ZFP64: variants seen among roughly 807,000 people sequenced by gnomAD.
The protein encoded by ZFP64 is zinc finger protein 64.
Under a neutral mutation model 51.6 loss-of-function variants are expected in ZFP64, and 14 were observed. That is an observed-to-expected ratio of 0.27 (90% CI 0.18 to 0.42). ZFP64 has a LOEUF of 0.42. Ranked by LOEUF, ZFP64 falls within the 10% of genes least tolerant of loss-of-function variation. The pLI is 1.00. For missense variants in ZFP64, 754 were observed against 906.8 expected (o/e 0.83, Z 2.16); for synonymous variants, 375 against 361.4 (o/e 1.04, Z -0.43).
intron 8 of ZFP64, chr20:52,088,326 A>G (rs1487911907): frequency 1.3e-6 from 2 of 1,581,798 alleles, no homozygotes; most frequent in East Asian, 4.5e-5. Flanking sequence ...TTGTGTTGTT[A>G]AGTAAATGAA....
intron 5 of ZFP64, among the ~76,000 whole-genome samples, chr20:52,113,601 T>TTTC (rs1258384217): frequency 1.3e-5 from 2 of 149,526 alleles, no homozygotes; most frequent in African/African-American, 4.9e-5. Context: ...GCTTTTTTTT[T>TTTC]TTTTTTCTTT....
intron 5 of ZFP64, among the ~76,000 whole-genome samples, chr20:52,157,712 G>A (rs1052921735): frequency 6.6e-6 from 1 of 152,146 alleles, no homozygotes; most frequent in Admixed American, 6.5e-5. Flanking sequence ...GGATACATGT[G>A]CAGAACGTGC....
chr20:52,153,606 G>GATAAA lies in ZFP64; in HGVS notation c.764-179_764-178insTTTAT, dbSNP rs1469836052. Among the ~76,000 whole-genome samples the GATAAA allele has an allele frequency of 6.6e-6, 1 of 152,064 alleles. No individual in the cohort carries two copies. The highest frequency in any genetic ancestry group is 2.4e-5 in the African/African-American group (1 of 41,384). ...GGGCAGGGCGTCTTTATCTTTCCCC[G>GATAAA]GAACCCAAACCACCACCACCGGTAT... On this transcript the variant is annotated intron_variant, in intron 5 of 5. Coordinates refer to ENST00000216923, the MANE Select transcript of ZFP64 (RefSeq NM_018197.3). This position sits in a 1 kb window ranked among gnomAD's most constrained non-coding sequence, Gnocchi z 5.1.
At chr20:52,183,762 T>G (rs2123119561) in intron 2 of ZFP64, among the ~76,000 whole-genome samples, 1 of 152,346 alleles carries the variant, frequency 6.6e-6, no homozygotes, top group African/African-American at 2.4e-5. Context: ...AACATTATTT[T>G]GGATGCATTA....
downstream of ZFP64, among the ~76,000 whole-genome samples, chr20:52,146,472 C>T (rs1039414731): frequency 2.7e-5 from 4 of 150,146 alleles, no homozygotes; most frequent in Admixed American, 6.7e-5. Context: ...AGTAAACTAT[C>T]GCAAGGACAA....
chr20:52,122,995 C>CT (rs79718879), intron 5 of ZFP64, among the ~76,000 whole-genome samples: 7 of 150,414 alleles, frequency 4.7e-5, no homozygotes, highest in Admixed American at 3.3e-4. Flanking sequence ...GGGATTGACT[C>CT]TTTTTTTTTT....
chr20:52,087,669 T>C (rs556156983), intron 8 of ZFP64, among the ~76,000 whole-genome samples: 45 of 152,330 alleles, frequency 3.0e-4, no homozygotes, highest in African/African-American at 1.1e-3. Context: ...ACTGGGTTGG[T>C]TGGGCAGTTT....
chr20:52,185,761 A>C (rs547633410), intron 2 of ZFP64, among the ~76,000 whole-genome samples: 15 of 151,834 alleles, frequency 9.9e-5, no homozygotes, highest in Admixed American at 9.2e-4. Context: ...TTGTATTTTT[A>C]GTAGAGACAG....
chr20:52,112,711 C>T (rs1441807115), intron 5 of ZFP64, among the ~76,000 whole-genome samples: 1 of 151,622 alleles, frequency 6.6e-6, no homozygotes, highest in African/African-American at 2.4e-5. Context: ...ACTTCCAGGT[C>T]TCAAGAGATC....
intron 2 of ZFP64, among the ~76,000 whole-genome samples, chr20:52,167,417 A>G (rs569119062): frequency 6.6e-6 from 1 of 150,850 alleles, no homozygotes; most frequent in East Asian, 1.9e-4. Context: ...GTTGTAAAAA[A>G]TTAAGTGACT....
exon 9 of ZFP64, chr20:52,084,624 C>T: frequency 6.2e-7 from 1 of 1,614,200 alleles, no homozygotes; most frequent in Non-Finnish European, 8.5e-7. Flanking sequence ...GCTGAGCTGT[C>T]CCGAGGCACC....
At chr20:52,090,097 G>A (rs1468471234) in intron 7 of ZFP64, among the ~76,000 whole-genome samples, 1 of 152,204 alleles carries the variant, frequency 6.6e-6, no homozygotes, top group East Asian at 1.9e-4. Context: ...GATGGTCCAG[G>A]ATAGAACTGA....
intron 2 of ZFP64, among the ~76,000 whole-genome samples, chr20:52,174,716 C>T (rs1327389907): frequency 1.3e-5 from 2 of 152,218 alleles, no homozygotes; most frequent in Admixed American, 6.5e-5. Context: ...TAGGAATTGA[C>T]TTTTATGAGT....
intron 3 of ZFP64, chr20:52,165,408 T>C (rs1213759574): frequency 4.4e-6 from 2 of 454,452 alleles, no homozygotes; most frequent in Non-Finnish European, 8.8e-6. Flanking sequence ...TATTTGTATA[T>C]ATACAAAGAA....
chr20:52,172,808 C>T (rs893665536), intron 2 of ZFP64, among the ~76,000 whole-genome samples: 4 of 152,114 alleles, frequency 2.6e-5, no homozygotes, highest in Non-Finnish European at 4.4e-5. Flanking sequence ...ACCCTGTCCC[C>T]GATACCCCAA....
chr20:52,125,602 A>C (rs1157324865), intron 5 of ZFP64, among the ~76,000 whole-genome samples: 1 of 152,222 alleles, frequency 6.6e-6, no homozygotes, highest in Non-Finnish European at 1.5e-5. Flanking sequence ...GGCCAAGCCT[A>C]CGTTACGTGG....
At chr20:52,104,227 G>A (rs1159046797) in intron 5 of ZFP64, among the ~76,000 whole-genome samples, 4 of 152,230 alleles carry the variant, frequency 2.6e-5, no homozygotes, top group East Asian at 1.9e-4. Flanking sequence ...CCCCACCCCT[G>A]AGATTCCAGT....
In ZFP64 at chr20:52,153,745, CAGTT is replaced by C. The variant is rs1384743818; in HGVS notation, c.764-321_764-318del. Among the ~76,000 whole-genome samples the C allele has an allele frequency of 6.6e-6, 1 of 152,216 alleles. No individual in the cohort carries two copies. The highest frequency in any genetic ancestry group is 1.5e-5 in the Non-Finnish European group (1 of 68,042). ...TAAAACACTCAAACTATCTTTCATA[CAGTT>C]AATTTGCCCACTCTGCTAGTTAATG... On this transcript the variant is annotated intron_variant, in intron 5 of 5. Coordinates refer to ENST00000216923, the MANE Select transcript of ZFP64 (RefSeq NM_018197.3). This position sits in a 1 kb window ranked among gnomAD's most constrained non-coding sequence, Gnocchi z 5.1.
At chr20:52,138,357 A>G (rs1980084439) in intron 5 of ZFP64, among the ~76,000 whole-genome samples, 1 of 152,156 alleles carries the variant, frequency 6.6e-6, no homozygotes, top group African/African-American at 2.4e-5. Context: ...GAAGTGAATA[A>G]TAGCACATAT....
Sources: gnomAD v4.1 joint callset for allele counts (sites outside exome capture counted in the v4.1 genomes callset) on GRCh38, gnomAD v4.1.1 for gene constraint, Gnocchi (gnomAD v3.1) non-coding constraint, MANE v1.5 for transcripts, NCBI Gene and HGNC (gene_info 2026-07-23, HGNC 2026-07-21) for gene names.